The following MYPN variants were observed in gnomAD, a reference collection of about 807,000 sequenced individuals.
The protein encoded by MYPN is sarcomeric protein myopalladin, 145 kDa (MYOP).
In MYPN, 63 loss-of-function variants were observed where a neutral mutation model predicts 129.4. That is an observed-to-expected ratio of 0.49 (90% CI 0.40 to 0.60). The LOEUF (loss-of-function observed/expected upper bound fraction) is 0.60. MYPN is among the 20% of genes least tolerant of loss of function. The probability of loss-of-function intolerance (pLI) is 0.00; values close to 1 mark genes in which losing one functional copy is unlikely to be tolerated. For synonymous variants in MYPN, 629 were observed against 600.9 expected (o/e 1.05, Z -0.68); for missense variants, 1,596 against 1,635.4 (o/e 0.98, Z 0.42).
chr10:68,209,475 C>G (rs1220910148), intron 19 of MYPN, among the ~76,000 whole-genome samples: 4 of 152,134 alleles, frequency 2.6e-5, no homozygotes, highest in Admixed American at 6.5e-5. Context: ...GAGGTAGGCA[C>G]TGCTCAGAGG....
intron 2 of MYPN, among the ~76,000 whole-genome samples, chr10:68,129,431 A>T (rs977348683): frequency 2.0e-5 from 3 of 152,098 alleles, no homozygotes; most frequent in African/African-American, 7.2e-5. Context: ...ACAACTCTAA[A>T]CCACTTGTTT....
chr10:68,199,272 C>T, intron 16 of MYPN, 96 bp from the exon 17 acceptor site: 3 of 1,213,360 alleles, frequency 2.5e-6, no homozygotes, highest in Non-Finnish European at 3.6e-6. Context: ...TTTTCTCTCA[C>T]TGTCTGTTTG....
chr10:68,106,390 G>T (rs932752417), upstream of MYPN: 23 of 377,002 alleles, frequency 6.1e-5, no homozygotes, highest in Non-Finnish European at 1.0e-4. Context: ...CAATTATATT[G>T]TTGTCATGCC....
At chr10:68,114,682 A>AG (rs1355235983) in intron 1 of MYPN, among the ~76,000 whole-genome samples, 2 of 152,140 alleles carry the variant, frequency 1.3e-5, no homozygotes, top group Non-Finnish European at 2.9e-5. Context: ...GAAAGTTCTT[A>AG]GGGCAGATCC....
chr10:68,134,714 G>C (rs1220778660), intron 2 of MYPN, among the ~76,000 whole-genome samples: 1 of 152,136 alleles, frequency 6.6e-6, no homozygotes, highest in Non-Finnish European at 1.5e-5. Context: ...AGAATCACTT[G>C]CACCTGGGAG....
At chr10:68,199,322 G>C in intron 16 of MYPN, 46 bp from the exon 17 acceptor site, 1 of 1,572,476 alleles carries the variant, frequency 6.4e-7, no homozygotes, top group Non-Finnish European at 8.7e-7. Context: ...TCAAATAAAT[G>C]TGCCTGTCAT....
intron 1 of MYPN, among the ~76,000 whole-genome samples, chr10:68,099,055 A>C (rs559000661): frequency 3.4e-4 from 52 of 152,344 alleles, no homozygotes; most frequent in Non-Finnish European, 6.5e-4. Context: ...GTTTAGAGAC[A>C]TAAAATAATC....
At position 68,158,564 on chromosome 10, in the gene MYPN, G is replaced by T. The variant is rs1311540440; in HGVS notation, c.1396G>T (p.Val466Phe). 1 of 1,612,292 alleles carries T rather than the reference G, an allele frequency of 6.2e-7. No homozygotes were observed. The highest frequency in any genetic ancestry group is 8.5e-7 in the Non-Finnish European group (1 of 1,178,418). ...AGTAAAAGGAGCTCCATCTCCTAAGGTTGAGTGGTATAGAGAAGGGACTTT... is the reference window on the plus strand; with the variant it reads ...AGTAAAAGGAGCTCCATCTCCTAAGTTTGAGTGGTATAGAGAAGGGACTTT... ...CRVKGAPSPK[V>F]EWYREGTLIE... The change falls in exon 7 of 20, where the codon GTT (valine) becomes TTT (phenylalanine). Residue 466 changes from valine to phenylalanine, a missense_variant. Coordinates refer to ENST00000358913, the MANE Select transcript of MYPN (RefSeq NM_032578.4).
At chr10:68,207,183 A>T (rs1175234407) in intron 19 of MYPN, among the ~76,000 whole-genome samples, 1 of 152,158 alleles carries the variant, frequency 6.6e-6, no homozygotes, top group Non-Finnish European at 1.5e-5. Flanking sequence ...GGTTGAACCC[A>T]GGAGGCAGAG....
intron 1 of MYPN, among the ~76,000 whole-genome samples, chr10:68,091,615 G>A (rs1169153312): frequency 2.0e-5 from 3 of 151,672 alleles, no homozygotes; most frequent in African/African-American, 7.3e-5. Flanking sequence ...GGCTGGTCTT[G>A]AACTCCGGGG....
chr10:68,099,887 G>A (rs1003593412), intron 1 of MYPN, among the ~76,000 whole-genome samples: 25 of 152,236 alleles, frequency 1.6e-4, no homozygotes, highest in Non-Finnish European at 2.2e-4. Flanking sequence ...ATTCCTGAAT[G>A]CATTACTAAT....
chr10:68,129,843 A>G (rs1382128322), intron 2 of MYPN, among the ~76,000 whole-genome samples: 1 of 152,216 alleles, frequency 6.6e-6, no homozygotes, highest in Non-Finnish European at 1.5e-5. Context: ...CAAATCTCAG[A>G]TGAGATTGGC....
intron 6 of MYPN, among the ~76,000 whole-genome samples, chr10:68,153,311 A>C (rs1247238153): frequency 6.6e-6 from 1 of 152,110 alleles, no homozygotes; most frequent in African/African-American, 2.4e-5. Flanking sequence ...TTTAATTTTC[A>C]TGAGCTGATT....
chr10:68,121,918 G>C lies in MYPN; in HGVS notation c.480G>C (p.Glu160Asp), dbSNP rs1264041775. 5 of 1,614,168 alleles carry C rather than the reference G, an allele frequency of 3.1e-6. No individual in the cohort carries two copies. The highest frequency in any genetic ancestry group is 4.2e-6 in the Non-Finnish European group (5 of 1,180,030). Residue 160 changes from glutamate (E) to aspartate (D), a missense_variant, in exon 2 of 20, where the codon GAG becomes GAC. Glu to Asp is a conservative substitution (Grantham distance 45, BLOSUM62 2). Coordinates refer to ENST00000358913, the MANE Select transcript of MYPN (RefSeq NM_032578.4). ...ATAAGGCTGCCGACTTCATTGAAGA[G>C]CTATCCTCCCTTTTCAAATCCCACA... ...FLNKAADFIE[E>D]LSSLFKSHSS...
At chr10:68,148,584 T>C in intron 5 of MYPN, 117 bp downstream of exon 5, 1 of 812,042 alleles carries the variant, frequency 1.2e-6, no homozygotes. Context: ...ATCATCAGGA[T>C]AATCACCTTG....
In MYPN at chr10:68,199,607, A is replaced by G. The variant is rs755236900; in HGVS notation, c.3493+32A>G. ...TTTGCTGCTGGGACCCCTAAACACA[A>G]CTTCCTCCAAAGTCATTACCCAAAG... On this transcript the variant is annotated intron_variant, in intron 17 of 19. Transcript: ENST00000358913. The G allele has an allele frequency of 6.9e-6, 11 of 1,602,500 alleles. No homozygotes were observed. In the Admixed American group the frequency reaches 8.3e-5, roughly 12 times the overall value.
chr10:68,100,955 T>C (rs1429124430), intron 1 of MYPN, among the ~76,000 whole-genome samples: 1 of 152,174 alleles, frequency 6.6e-6, no homozygotes, highest in African/African-American at 2.4e-5. Context: ...TTGCTGAGAG[T>C]CTAGGCCATT....
At chr10:68,148,952 G>T (rs2042718265) in intron 5 of MYPN, among the ~76,000 whole-genome samples, 1 of 152,160 alleles carries the variant, frequency 6.6e-6, no homozygotes, top group Non-Finnish European at 1.5e-5. Context: ...TATGCCAGGT[G>T]TGGTGGCTCA....
At chr10:68,161,012 A>G (rs1182992411) in intron 7 of MYPN, among the ~76,000 whole-genome samples, 1 of 152,246 alleles carries the variant, frequency 6.6e-6, no homozygotes, top group Non-Finnish European at 1.5e-5. Flanking sequence ...ATATTTTATT[A>G]GGATATCAGA....
Sources: gnomAD v4.1 joint callset for allele counts (sites outside exome capture counted in the v4.1 genomes callset) on GRCh38, gnomAD v4.1.1 for gene constraint, MANE v1.5 for transcripts, NCBI Gene and HGNC (gene_info 2026-07-23, HGNC 2026-07-21) for gene names.